Variants in SV2C observed in about 807,000 individuals in gnomAD.
SV2C encodes the protein solute carrier family 22 member B3.
Under a neutral mutation model 79.7 loss-of-function variants are expected in SV2C, and 49 were observed. The ratio of observed to expected loss-of-function variants is 0.61; its 90% CI spans 0.49 to 0.78. The LOEUF is 0.78. Ranked by LOEUF, SV2C falls within the 30% of genes least tolerant of loss-of-function variation. The pLI is 0.00. For synonymous variants in SV2C, 334 were observed against 333.2 expected (o/e 1.00, Z -0.03); for missense variants, 833 against 912.9 (o/e 0.91, Z 1.13).
rs191686889 is a variant in SV2C at position 76,110,069 on chromosome 5, C to G, written c.-101-21581C>G. Among the ~76,000 whole-genome samples the G allele has an allele frequency of 7.2e-5, 11 of 152,298 alleles. No homozygotes were observed. In the East Asian group the frequency reaches 2.1e-3, roughly 29 times the overall value. On this transcript the variant is annotated intron_variant, in intron 1 of 12. Coordinates refer to ENST00000502798, the MANE Select transcript of SV2C (RefSeq NM_014979.4). ...GGCCATCCACAGTATTTTTAGTCACCTAACAACTGTAAGTGGTGTCCCTCT... is the reference window on the plus strand; with the variant it reads ...GGCCATCCACAGTATTTTTAGTCACGTAACAACTGTAAGTGGTGTCCCTCT...
At chr5:76,204,973 T>C (rs562661615) in intron 3 of SV2C, among the ~76,000 whole-genome samples, 1 of 152,246 alleles carries the variant, frequency 6.6e-6, no homozygotes, top group Non-Finnish European at 1.5e-5. Context: ...CTTGTGTGCC[T>C]CACATTTCCC....
At chr5:76,053,370 G>A in the SV2C span, among the ~76,000 whole-genome samples, 1 of 152,208 alleles carries the variant, frequency 6.6e-6, no homozygotes, top group Non-Finnish European at 1.5e-5. Flanking sequence ...GAACGTGTGA[G>A]CCATCAGACC....
At chr5:75,934,139 G>A in the SV2C span, among the ~76,000 whole-genome samples, 1 of 152,054 alleles carries the variant, frequency 6.6e-6, no homozygotes, top group African/African-American at 2.4e-5. Context: ...CAAGGTAAGA[G>A]GTGACATTGG....
chr5:76,121,585 A>C (rs905900835), intron 1 of SV2C, among the ~76,000 whole-genome samples: 176 of 150,292 alleles, frequency 1.2e-3, no homozygotes, highest in Non-Finnish European at 2.3e-3. Flanking sequence ...CTTTCTACAT[A>C]TGGCTAGCCA....
At chr5:76,281,811 C>T in intron 4 of SV2C, among the ~76,000 whole-genome samples, 1 of 152,246 alleles carries the variant, frequency 6.6e-6, no homozygotes. Context: ...CTCATTGTCC[C>T]TGCCTCCCTC....
chr5:75,911,810 G>T, the SV2C span: 32 of 576,410 alleles, frequency 5.6e-5, no homozygotes, highest in African/African-American at 6.0e-4. Context: ...CCAGACAAGA[G>T]CAACCTCACA....
In SV2C at chr5:76,331,718, A is replaced by G. The variant is rs1238971196; in HGVS notation, c.*6171A>G. 4 of 151,986 alleles carry G rather than the reference A, an allele frequency of 2.6e-5. No homozygotes were observed. The highest frequency in any genetic ancestry group is 5.9e-5 in the Non-Finnish European group (4 of 68,094). 9.4% of individuals were successfully genotyped at this position (151,986 alleles called of 1,614,324 possible). A position where few individuals can be genotyped will look rare whatever the true frequency, so the allele number is the denominator to read the frequency against. The stretch of plus-strand genomic sequence containing the variant: ...TGGTCGACAACCTCTTAATTCTAGC[A>G]GTGTACAAAAGCAAGGCCAAGCTTT... On this transcript the variant is annotated 3_prime_UTR_variant, in exon 13 of 13. Coordinates refer to ENST00000502798, the MANE Select transcript of SV2C (RefSeq NM_014979.4).
intron 2 of SV2C, among the ~76,000 whole-genome samples, chr5:76,141,072 CA>C (rs989024847): frequency 3.3e-5 from 5 of 152,158 alleles, no homozygotes; most frequent in Admixed American, 6.5e-5. Flanking sequence ...TCTTGCCTTT[CA>C]AATTCTCCTG....
At chr5:75,984,592 T>TATCC in the SV2C span, among the ~76,000 whole-genome samples, 3 of 79,394 alleles carry the variant, frequency 3.8e-5, no homozygotes, top group African/African-American at 9.6e-5. Context: ...TCTATCTATC[T>TATCC]ATCTACCTAT....
chr5:76,325,595 C>A lies in SV2C; in HGVS notation c.*48C>A, dbSNP rs1432759172. The A allele has an allele frequency of 1.3e-6, 2 of 1,599,748 alleles. No individual in the cohort carries two copies. The highest frequency in any genetic ancestry group is 1.3e-5 in the African/African-American group (1 of 74,318). On this transcript the variant is annotated 3_prime_UTR_variant, in exon 13 of 13. Transcript: ENST00000502798. ...TGCGTTTCTTCCTCCTGCCCTGGGTCAATTCTCCTTCCTGACTCAAGGCTT... is the reference window on the plus strand; with the variant it reads ...TGCGTTTCTTCCTCCTGCCCTGGGTAAATTCTCCTTCCTGACTCAAGGCTT...
the SV2C span, among the ~76,000 whole-genome samples, chr5:75,881,659 C>A: frequency 6.9e-3 from 1,055 of 152,190 alleles, 4 homozygotes; most frequent in African/African-American, 0.011. Flanking sequence ...TATCCTGAGA[C>A]TTTGCTGAAG....
the SV2C span, among the ~76,000 whole-genome samples, chr5:75,942,027 T>A: frequency 2.0e-5 from 3 of 152,160 alleles, no homozygotes; most frequent in African/African-American, 7.2e-5. Context: ...TGGTTGTCAA[T>A]CATGTCTATC....
the SV2C span, among the ~76,000 whole-genome samples, chr5:75,929,918 G>T: frequency 6.6e-6 from 1 of 152,014 alleles, no homozygotes; most frequent in African/African-American, 2.4e-5. Context: ...ATATACATTT[G>T]GATAATTATC....
the SV2C span, among the ~76,000 whole-genome samples, chr5:75,874,401 A>G: frequency 2.6e-5 from 4 of 152,176 alleles, no homozygotes; most frequent in African/African-American, 9.6e-5. Context: ...TCAAAGGAAC[A>G]TACCTCAAAA....
At chr5:76,270,775 A>AT (rs545021315) in intron 4 of SV2C, among the ~76,000 whole-genome samples, 99 of 146,718 alleles carry the variant, frequency 6.7e-4, no homozygotes, top group East Asian at 1.6e-3. Context: ...TATTTTTATT[A>AT]TTTTTTTTTT....
intron 4 of SV2C, among the ~76,000 whole-genome samples, chr5:76,282,207 A>G (rs1459180402): frequency 1.3e-5 from 2 of 152,120 alleles, no homozygotes; most frequent in East Asian, 1.9e-4. Flanking sequence ...GCAAATTGAT[A>G]TAATAAGCAA....
chr5:75,992,759 A>G, the SV2C span, among the ~76,000 whole-genome samples: 2 of 151,154 alleles, frequency 1.3e-5, no homozygotes, highest in Non-Finnish European at 1.5e-5. Flanking sequence ...AATAAACAAG[A>G]AGTGATAATG....
At chr5:75,954,498 C>G in the SV2C span, among the ~76,000 whole-genome samples, 3 of 151,832 alleles carry the variant, frequency 2.0e-5, no homozygotes, top group Admixed American at 2.0e-4. Flanking sequence ...CAGGGATGCC[C>G]TCTCTCACCA....
At chr5:75,870,213 G>A in the SV2C span, among the ~76,000 whole-genome samples, 1 of 151,916 alleles carries the variant, frequency 6.6e-6, no homozygotes, top group Non-Finnish European at 1.5e-5. Flanking sequence ...CTTTTCAGAC[G>A]GGAAATTCAA....
Sources: gnomAD v4.1 joint callset for allele counts (sites outside exome capture counted in the v4.1 genomes callset) on GRCh38, gnomAD v4.1.1 for gene constraint, MANE v1.5 for transcripts, NCBI Gene and HGNC (gene_info 2026-07-23, HGNC 2026-07-21) for gene names.